KCNAB1: variants seen among roughly 807,000 people sequenced by gnomAD.
KCNAB1 encodes the protein potassium voltage-gated channel subfamily A regulatory beta subunit 1.
Under a neutral mutation model 64.6 loss-of-function variants are expected in KCNAB1, and 35 were observed. The observed-to-expected ratio is 0.54, with a 90% CI of 0.41 to 0.72. The LOEUF is 0.72. KCNAB1 is among the 30% of genes least tolerant of loss of function. The pLI, the probability that KCNAB1 is intolerant of heterozygous loss-of-function variation, is 0.00. For synonymous variants in KCNAB1, 177 were observed against 183.8 expected (o/e 0.96, Z 0.30); for missense variants, 401 against 512.9 (o/e 0.78, Z 2.11).
intron 2 of KCNAB1, among the ~76,000 whole-genome samples, chr3:156,433,844 C>T (rs959807240): frequency 7.2e-5 from 11 of 152,292 alleles, no homozygotes; most frequent in African/African-American, 2.2e-4. Flanking sequence ...GTTCCCATCA[C>T]GATCCCTCTT....
chr3:156,120,942 G>C (rs1713307905), intron 1 of KCNAB1, 56 bp downstream of exon 1: 1 of 1,584,092 alleles, frequency 6.3e-7, no homozygotes, highest in Non-Finnish European at 8.6e-7. Context: ...AGGTGCTCTG[G>C]AGAATGCTTT....
At chr3:156,516,912 T>A (rs1195542964) in intron 11 of KCNAB1, among the ~76,000 whole-genome samples, 4 of 152,202 alleles carry the variant, frequency 2.6e-5, no homozygotes, top group Non-Finnish European at 4.4e-5. Context: ...TAAAGCAGCT[T>A]AAATTCTGCT....
intron 8 of KCNAB1, among the ~76,000 whole-genome samples, chr3:156,510,966 A>C (rs756418559): frequency 1.3e-5 from 2 of 152,180 alleles, no homozygotes; most frequent in Non-Finnish European, 2.9e-5. Flanking sequence ...TTTCCTTACA[A>C]GGCTCATCCA....
At chr3:156,481,669 T>G (rs1387616411) in intron 8 of KCNAB1, among the ~76,000 whole-genome samples, 3 of 152,234 alleles carry the variant, frequency 2.0e-5, no homozygotes, top group African/African-American at 7.2e-5. Flanking sequence ...AATCTCATGT[T>G]TCTGTTCATA....
chr3:156,476,584 TAC>T (rs1320613894), intron 8 of KCNAB1, among the ~76,000 whole-genome samples: 2 of 148,518 alleles, frequency 1.3e-5, no homozygotes, highest in African/African-American at 2.6e-5. Context: ...CACACATATA[TAC>T]ACACACACAT....
chr3:156,281,500 C>A (rs1719712270), intron 1 of KCNAB1, among the ~76,000 whole-genome samples: 1 of 151,798 alleles, frequency 6.6e-6, no homozygotes, highest in South Asian at 2.1e-4. Context: ...AGGGAGGATT[C>A]CCTCTTTTTC....
chr3:156,276,830 A>G (rs958954502), intron 1 of KCNAB1, among the ~76,000 whole-genome samples: 10 of 152,140 alleles, frequency 6.6e-5, no homozygotes, highest in Admixed American at 6.5e-4. Context: ...AACCGCTAAA[A>G]CTTTTTCGCT....
chr3:156,197,347 T>G (rs972158489), intron 1 of KCNAB1, among the ~76,000 whole-genome samples: 1 of 152,200 alleles, frequency 6.6e-6, no homozygotes, highest in Admixed American at 6.5e-5. Flanking sequence ...GGAGTTCCTC[T>G]TTTTCTGTTG....
chr3:156,421,469 G>A (rs544989812), intron 1 of KCNAB1, 147 bp from the exon 2 acceptor site: 1 of 726,674 alleles, frequency 1.4e-6, no homozygotes, highest in Non-Finnish European at 2.3e-6. Context: ...AGGGAGACCT[G>A]TCTCAAGACA....
chr3:156,407,697 G>GTT (rs1714341806), intron 1 of KCNAB1, among the ~76,000 whole-genome samples: 1 of 152,176 alleles, frequency 6.6e-6, no homozygotes, highest in South Asian at 2.1e-4. Context: ...CGTTACCTCA[G>GTT]TTCTTCCAAG....
chr3:156,474,195 G>A (rs1714169661), intron 7 of KCNAB1, among the ~76,000 whole-genome samples: 2 of 152,054 alleles, frequency 1.3e-5, no homozygotes. Flanking sequence ...GTAAAATGTT[G>A]AGCAAAGGCT....
chr3:156,342,941 C>G (rs1417156096), intron 1 of KCNAB1, among the ~76,000 whole-genome samples: 1 of 151,970 alleles, frequency 6.6e-6, no homozygotes, highest in Non-Finnish European at 1.5e-5. Flanking sequence ...TAGTTCTCCC[C>G]AAAACAAATA....
At chr3:156,488,040 C>T (rs1715338113) in intron 8 of KCNAB1, among the ~76,000 whole-genome samples, 2 of 152,070 alleles carry the variant, frequency 1.3e-5, no homozygotes, top group Admixed American at 1.3e-4. Context: ...CCATATAGTA[C>T]TCAGATGACC....
chr3:156,220,279 T>C (rs529901391), intron 1 of KCNAB1, among the ~76,000 whole-genome samples: 2 of 152,316 alleles, frequency 1.3e-5, no homozygotes, highest in South Asian at 4.1e-4. Context: ...TCTAGATCCT[T>C]GAGGAATCGC....
chr3:156,412,051 C>T (rs1180774379), intron 1 of KCNAB1, among the ~76,000 whole-genome samples: 1 of 152,000 alleles, frequency 6.6e-6, no homozygotes, highest in Non-Finnish European at 1.5e-5. Context: ...TTTTTCATTT[C>T]ATTCTTCAGT....
intron 1 of KCNAB1, among the ~76,000 whole-genome samples, chr3:156,196,708 G>T (rs1713973672): frequency 6.6e-6 from 1 of 151,970 alleles, no homozygotes; most frequent in Non-Finnish European, 1.5e-5. Context: ...GGAGTTTTTT[G>T]GCTGAGATGA....
chr3:156,294,210 G>T (rs1422248013), intron 1 of KCNAB1, among the ~76,000 whole-genome samples: 4 of 152,136 alleles, frequency 2.6e-5, no homozygotes, highest in African/African-American at 9.7e-5. Context: ...AGGTTCGCTT[G>T]GGCACCTTTC....
chr3:156,344,948 A>G (rs1724385437), intron 1 of KCNAB1, among the ~76,000 whole-genome samples: 1 of 152,204 alleles, frequency 6.6e-6, no homozygotes, highest in South Asian at 2.1e-4. Flanking sequence ...GCAAAATAAA[A>G]TCAAATGACC....
chr3:156,499,311 A>G lies in KCNAB1; in HGVS notation c.659-15053A>G, dbSNP rs564394886. On this transcript the variant is annotated intron_variant, in intron 8 of 13. Transcript: ENST00000490337. ...TAAAAATAATCTTCAAAGGGGACCC[A>G]TTTTTCTTTAGTTAATAATGTGAAA... Among the ~76,000 whole-genome samples the G allele has an allele frequency of 1.6e-3, 237 of 152,154 alleles. 3 individuals are homozygous for G. Among genetic ancestry groups the G allele is most frequent in the African/African-American group, 5.6e-3 (231 of 41,506 alleles).
Sources: allele counts gnomAD v4.1 joint callset (sites outside exome capture counted in the v4.1 genomes callset), GRCh38; gene constraint gnomAD v4.1.1; transcripts MANE v1.5; gene names NCBI Gene and HGNC (gene_info 2026-07-23, HGNC 2026-07-21).